The following RANBP2 variants were observed in gnomAD, a reference collection of about 807,000 sequenced individuals.
The protein encoded by RANBP2 is E3 SUMO-protein ligase RanBP2.
Under a neutral mutation model 303.6 loss-of-function variants are expected in RANBP2, and 57 were observed. The observed-to-expected ratio is 0.19, with a 90% CI of 0.15 to 0.23. The LOEUF (loss-of-function observed/expected upper bound fraction) is 0.23. Among genes scored for constraint, RANBP2 ranks in the 10% least tolerant of loss-of-function variants. The pLI is 1.00. For synonymous variants in RANBP2, 1,167 were observed against 1,301.5 expected (o/e 0.90, Z 2.23); for missense variants, 3,138 against 3,780.8 (o/e 0.83, Z 4.46).
At chr2:109,250,761 AGCTATTTTAGAAAAAAAAAGT>A in the RANBP2 span, among the ~76,000 whole-genome samples, 8 of 151,908 alleles carry the variant, frequency 5.3e-5, no homozygotes, top group Admixed American at 3.3e-4. Flanking sequence ...TTTAGTAATT[AGCTATTTTAGAAAAAAAAAGT>A]GCTTCAATAG....
chr2:108,770,515 G>A (rs929506075), intron 20 of RANBP2, among the ~76,000 whole-genome samples: 1 of 152,144 alleles, frequency 6.6e-6, no homozygotes, highest in African/African-American at 2.4e-5. Context: ...CAGTTACTTG[G>A]GAGGCTGAGG....
chr2:108,765,162 T>C lies in RANBP2; in HGVS notation c.4623T>C (p.Ala1541=), dbSNP rs1205887275. ...AAAGTGGATTTGAAGACATGTTTGC[T>C]AAGAAGGAAGGACAGTGGGATTGCA... ...TLKSGFEDMF[A]KKEGQWDCSS... The change falls in exon 20 of 29, where the codon GCT becomes GCC. Residue 1541 remains alanine (A), a synonymous_variant. Coordinates refer to ENST00000283195, the MANE Select transcript of RANBP2 (RefSeq NM_006267.5). 17 of 1,614,154 alleles carry C rather than the reference T, an allele frequency of 1.1e-5. No homozygotes were observed. Among genetic ancestry groups the C allele is most frequent in the Non-Finnish European group, 1.4e-5 (17 of 1,179,988 alleles).
chr2:109,233,432 T>G, the RANBP2 span, among the ~76,000 whole-genome samples: 14 of 152,206 alleles, frequency 9.2e-5, no homozygotes, highest in African/African-American at 3.4e-4. Flanking sequence ...AGACACTTCG[T>G]GTCTTCCCTC....
At chr2:108,727,208 G>A (rs569459897) in intron 1 of RANBP2, among the ~76,000 whole-genome samples, 15 of 152,252 alleles carry the variant, frequency 9.9e-5, no homozygotes, top group East Asian at 3.9e-4. Context: ...CAGTAGGGGC[G>A]GCCGGGCAGA....
chr2:109,206,355 G>T, the RANBP2 span, among the ~76,000 whole-genome samples: 5 of 152,006 alleles, frequency 3.3e-5, no homozygotes, highest in African/African-American at 4.8e-5. Flanking sequence ...GCCGGGCTTG[G>T]TGGAGGGCAC....
the RANBP2 span, among the ~76,000 whole-genome samples, chr2:109,220,125 T>C: frequency 6.6e-6 from 1 of 152,222 alleles, no homozygotes; most frequent in Non-Finnish European, 1.5e-5. Context: ...AACTGTCACA[T>C]GTATGGTCCA....
the RANBP2 span, among the ~76,000 whole-genome samples, chr2:108,949,013 G>T: frequency 1.3e-5 from 2 of 152,160 alleles, no homozygotes; most frequent in East Asian, 3.9e-4. Context: ...GTCTCACTCT[G>T]TCACCCAGGC....
the RANBP2 span, among the ~76,000 whole-genome samples, chr2:109,675,405 G>T: frequency 6.6e-6 from 1 of 152,236 alleles, no homozygotes; most frequent in African/African-American, 2.4e-5. Flanking sequence ...CAACTGGCCA[G>T]GTGCGGTGGC....
At chr2:109,467,504 G>T in the RANBP2 span, among the ~76,000 whole-genome samples, 8 of 152,198 alleles carry the variant, frequency 5.3e-5, no homozygotes, top group Non-Finnish European at 1.2e-4. Flanking sequence ...CAGCAGGACT[G>T]GGGGGCTTGG....
chr2:109,025,781 G>A, the RANBP2 span, among the ~76,000 whole-genome samples: 1 of 149,162 alleles, frequency 6.7e-6, no homozygotes, highest in African/African-American at 2.5e-5. Context: ...CTGGGCAACA[G>A]AGCGAGACTC....
chr2:108,775,864 T>A lies in RANBP2; in HGVS notation c.8425T>A (p.Ser2809Thr). 15 of 1,613,552 alleles carry A rather than the reference T, an allele frequency of 9.3e-6. No individual in the cohort carries two copies. Among genetic ancestry groups the A allele is most frequent in the Non-Finnish European group, 1.3e-5 (15 of 1,179,922 alleles). ...CAAATCCATTAGTTCACCATCTGTT[T>A]CCTCTGAAACTATGGACAAACCTGT... ...ITKSISSPSVSSETMDKPVDL... is the reference protein window; with the variant it reads ...ITKSISSPSVTSETMDKPVDL... Residue 2809 changes from serine (S) to threonine (T), a missense_variant, in exon 24 of 29, where the codon TCC becomes ACC. By Grantham distance (58) the Ser-to-Thr change is moderately conservative. Transcript: ENST00000283195.
the RANBP2 span, among the ~76,000 whole-genome samples, chr2:109,589,673 A>G: frequency 6.6e-6 from 1 of 152,246 alleles, no homozygotes; most frequent in South Asian, 2.1e-4. Flanking sequence ...GCAAAATGGT[A>G]CAGTTGCTTT....
chr2:108,840,175 CTG>C, the RANBP2 span, among the ~76,000 whole-genome samples: 2 of 151,994 alleles, frequency 1.3e-5, no homozygotes, highest in African/African-American at 4.8e-5. Context: ...ATTAAAGTCT[CTG>C]AAATAAAACC....
the RANBP2 span, among the ~76,000 whole-genome samples, chr2:109,250,849 T>C: frequency 6.6e-6 from 1 of 152,054 alleles, no homozygotes; most frequent in Non-Finnish European, 1.5e-5. Context: ...CCAGTGCTGT[T>C]TAGGTAGAAC....
the RANBP2 span, among the ~76,000 whole-genome samples, chr2:109,315,009 G>A: frequency 6.6e-6 from 1 of 152,170 alleles, no homozygotes; most frequent in Non-Finnish European, 1.5e-5. Flanking sequence ...TGTCCCATAA[G>A]GTAGCCACCG....
the RANBP2 span, among the ~76,000 whole-genome samples, chr2:109,612,434 T>G: frequency 1.3e-5 from 2 of 152,330 alleles, no homozygotes; most frequent in African/African-American, 4.8e-5. Context: ...TACTATGGGT[T>G]TGCCAGATCT....
chr2:109,760,464 C>T, the RANBP2 span: 5 of 967,262 alleles, frequency 5.2e-6, no homozygotes, highest in African/African-American at 7.5e-5. Flanking sequence ...GGCGGCGCGG[C>T]GAGCTCGCTG....
chr2:109,222,244 A>C, the RANBP2 span, among the ~76,000 whole-genome samples: 1 of 152,212 alleles, frequency 6.6e-6, no homozygotes, highest in African/African-American at 2.4e-5. Context: ...GGGTATAAAC[A>C]TACAGTCAGA....
chr2:108,719,742 G>A (rs969724327), intron 1 of RANBP2, 64 bp downstream of exon 1: 1 of 1,547,140 alleles, frequency 6.5e-7, no homozygotes, highest in African/African-American at 1.4e-5. Context: ...GCGCTGCTCA[G>A]GCGTCATGGC....
Sources: gnomAD v4.1 joint callset for allele counts (sites outside exome capture counted in the v4.1 genomes callset) on GRCh38, gnomAD v4.1.1 for gene constraint, MANE v1.5 for transcripts, NCBI Gene and HGNC (gene_info 2026-07-23, HGNC 2026-07-21) for gene names.